Variants in FAM3B observed in about 807,000 individuals in gnomAD.
FAM3B encodes FAM3 metabolism regulating signaling molecule B, also known as protein FAM3B.
A neutral mutation model predicts 28.4 loss-of-function variants in FAM3B; 29 were observed. The observed-to-expected ratio is 1.02, with a 90% CI of 0.76 to 1.39. FAM3B has a LOEUF of 1.39. Among genes scored for constraint, FAM3B ranks in the 40% most tolerant of loss-of-function variants. The pLI is 0.00. For synonymous variants in FAM3B, 91 were observed against 103.0 expected, an observed-to-expected ratio of 0.88 and a Z score of 0.71; for missense variants, 266 against 293.9, an observed-to-expected ratio of 0.91 and a Z score of 0.69.
intron 7 of FAM3B, among the ~76,000 whole-genome samples, chr21:41,350,103 G>A (rs570444521): frequency 1.1e-4 from 17 of 152,318 alleles, no homozygotes; most frequent in Middle Eastern, 3.4e-3. Flanking sequence ...TAGTGAAGCC[G>A]GGGCTTACGG....
At chr21:41,352,571 G>T (rs2089130164) in intron 7 of FAM3B, among the ~76,000 whole-genome samples, 1 of 152,088 alleles carries the variant, frequency 6.6e-6, no homozygotes, top group African/African-American at 2.4e-5. Context: ...AAGGCAGGCG[G>T]ATCACGAGGT....
In FAM3B at chr21:41,357,204, A is replaced by G. The variant is rs2089175234; in HGVS notation, c.*7A>G. On this transcript the variant is annotated 3_prime_UTR_variant, in exon 8 of 8. Coordinates refer to ENST00000357985, the MANE Select transcript of FAM3B (RefSeq NM_058186.4). ...ACCCAAAGAACGAAGCTGACACTGC[A>G]GGGTCCTGAGTAAATGTGTTCTGTA... The G allele has an allele frequency of 6.3e-7, 1 of 1,598,934 alleles. No individual in the cohort carries two copies. The highest frequency in any genetic ancestry group is 8.6e-7 in the Non-Finnish European group (1 of 1,167,926).
intron 3 of FAM3B, among the ~76,000 whole-genome samples, chr21:41,342,309 A>G (rs1323117737): frequency 6.6e-6 from 1 of 152,108 alleles, no homozygotes; most frequent in African/African-American, 2.4e-5. Context: ...TTGTACTCCA[A>G]TGTGTCTTTT....
In FAM3B at chr21:41,345,645, C is replaced by T. The variant is rs567106753; in HGVS notation, c.347-41C>T. On this transcript the variant is annotated intron_variant, in intron 4 of 7. Transcript: ENST00000357985. ...CTGGTGCCACAAGTGCGCCCTAGTTCTGTGAACTTTCTTTTAAAATACCAT... is the reference window on the plus strand; with the variant it reads ...CTGGTGCCACAAGTGCGCCCTAGTTTTGTGAACTTTCTTTTAAAATACCAT... 9 of 1,331,840 alleles carry T rather than the reference C, an allele frequency of 6.8e-6. No individual in the cohort carries two copies. In the South Asian group the frequency reaches 1.2e-4, roughly 17 times the overall value. The allele number at this position is 1,331,840 out of a possible 1,614,324, so 82.5% of individuals were successfully genotyped here.
chr21:41,352,050 T>C (rs778136367), intron 7 of FAM3B, among the ~76,000 whole-genome samples: 2 of 152,288 alleles, frequency 1.3e-5, no homozygotes, highest in South Asian at 4.1e-4. Context: ...GGAGCCATCA[T>C]TCTCATCGCC....
upstream of FAM3B, among the ~76,000 whole-genome samples, chr21:41,314,047 C>G (rs1418443375): frequency 2.0e-5 from 3 of 152,162 alleles, no homozygotes; most frequent in Admixed American, 2.0e-4. Flanking sequence ...CCTAATCTTT[C>G]AATTAGATGG....
chr21:41,348,574 T>A lies in FAM3B; in HGVS notation c.486-18T>A. On this transcript the variant is annotated intron_variant, in intron 6 of 7. Transcript: ENST00000357985. ...CGTCTCCCTGAGATGCTCACATGCT[T>A]TTCCCTTTGTCCTGCAGACTGAATA... 1 of 1,614,134 alleles carries A rather than the reference T, an allele frequency of 6.2e-7. No individual in the cohort carries two copies. Among genetic ancestry groups the A allele is most frequent in the African/African-American group, 1.3e-5 (1 of 75,042 alleles).
intron 3 of FAM3B, among the ~76,000 whole-genome samples, chr21:41,339,245 C>T (rs1601365106): frequency 6.6e-6 from 1 of 152,162 alleles, no homozygotes; most frequent in South Asian, 2.1e-4. Context: ...AAGTACAGCA[C>T]TACTTAAGTT....
intron 4 of FAM3B, among the ~76,000 whole-genome samples, chr21:41,345,432 A>G (rs1212595628): frequency 6.6e-6 from 1 of 152,002 alleles, no homozygotes; most frequent in Non-Finnish European, 1.5e-5. Flanking sequence ...TGGGGGAGGT[A>G]TTAGTGTTCC....
At chr21:41,348,021 C>T (rs1300867110) in intron 6 of FAM3B, among the ~76,000 whole-genome samples, 1 of 152,208 alleles carries the variant, frequency 6.6e-6, no homozygotes, top group Non-Finnish European at 1.5e-5. Flanking sequence ...TTCCTTGGCA[C>T]ATACTTTGAA....
chr21:41,334,107 G>A (rs1169966673), intron 2 of FAM3B, among the ~76,000 whole-genome samples: 1 of 152,168 alleles, frequency 6.6e-6, no homozygotes, highest in Admixed American at 6.5e-5. Context: ...GCGCTTATAA[G>A]TGTGAGCAAA....
At chr21:41,344,877 C>T (rs950043295) in intron 4 of FAM3B, among the ~76,000 whole-genome samples, 8 of 152,214 alleles carry the variant, frequency 5.3e-5, no homozygotes, top group African/African-American at 4.8e-5. Flanking sequence ...GTCCCAGTGT[C>T]TGCTCAGGGG....
intron 3 of FAM3B, 98 bp downstream of exon 3, chr21:41,338,599 C>G: frequency 6.7e-7 from 1 of 1,501,714 alleles, no homozygotes; most frequent in Non-Finnish European, 9.0e-7. Context: ...CAGGAGAGAA[C>G]CATATGTCGT....
intron 2 of FAM3B, among the ~76,000 whole-genome samples, chr21:41,337,840 T>C (rs1353072004): frequency 6.6e-6 from 1 of 151,864 alleles, no homozygotes; most frequent in Non-Finnish European, 1.5e-5. Flanking sequence ...ATGTGGTGTG[T>C]GTGCATGAAT....
intron 1 of FAM3B, among the ~76,000 whole-genome samples, 195 bp downstream of exon 1, chr21:41,317,093 T>C (rs1430709879): frequency 2.0e-5 from 3 of 151,048 alleles, no homozygotes; most frequent in African/African-American, 4.9e-5. Context: ...ACAGCGGGGG[T>C]TTCCAGCAGG....
chr21:41,338,648 T>A (rs2088977566), intron 3 of FAM3B, 147 bp downstream of exon 3: 1 of 1,061,536 alleles, frequency 9.4e-7, no homozygotes, highest in African/African-American at 1.6e-5. Context: ...CAAGTGGAAA[T>A]GAGAAAGCTC....
chr21:41,345,819 AT>A, intron 5 of FAM3B, 83 bp downstream of exon 5: 1 of 921,138 alleles, frequency 1.1e-6, no homozygotes, highest in Admixed American at 2.1e-5. Context: ...AATGTCAACC[AT>A]TTTTATTTTG....
intron 7 of FAM3B, 36 bp downstream of exon 7, chr21:41,348,760 T>C (rs755553345): frequency 1.2e-6 from 2 of 1,613,474 alleles, no homozygotes; most frequent in Non-Finnish European, 1.7e-6. Context: ...CCACCAATGG[T>C]GAGTATAGTA....
chr21:41,334,472 A>T (rs941085696), intron 2 of FAM3B, among the ~76,000 whole-genome samples: 62 of 152,110 alleles, frequency 4.1e-4, no homozygotes, highest in African/African-American at 1.5e-3. Context: ...CCATGGCTCA[A>T]AGGGGCCCAG....
Sources: allele counts gnomAD v4.1 joint callset (sites outside exome capture counted in the v4.1 genomes callset), GRCh38; gene constraint gnomAD v4.1.1; transcripts MANE v1.5; gene names NCBI Gene and HGNC (gene_info 2026-07-23, HGNC 2026-07-21).